Variants in SAYSD1 observed in about 807,000 individuals in gnomAD.
SAYSD1 encodes the protein SAYSVFN motif domain containing 1.
Under a neutral mutation model 14.5 loss-of-function variants are expected in SAYSD1, and 15 were observed. The observed-to-expected ratio is 1.03, with a 90% confidence interval of 0.69 to 1.59. SAYSD1 has a LOEUF of 1.59. Ranked by LOEUF, SAYSD1 falls within the 40% of genes most tolerant of loss-of-function variation. SAYSD1 has a pLI of 0.00. For synonymous variants in SAYSD1, 105 were observed against 102.6 expected (o/e 1.02, Z -0.14); for missense variants, 247 against 227.3 (o/e 1.09, Z -0.56).
chr6:39,109,745 A>C, intron 1 of SAYSD1: 1 of 319,796 alleles, frequency 3.1e-6, no homozygotes, highest in Non-Finnish European at 4.5e-6. Context: ...GTTTCTCCAC[A>C]TGGCTGTGGA....
chr6:39,113,954 T>A (rs79071353), intron 1 of SAYSD1, among the ~76,000 whole-genome samples: 1 of 152,206 alleles, frequency 6.6e-6, no homozygotes. Flanking sequence ...CAGTAATTTT[T>A]AAAAATTCCC....
intron 1 of SAYSD1, among the ~76,000 whole-genome samples, chr6:39,108,714 G>A (rs920614389): frequency 1.3e-5 from 2 of 151,894 alleles, no homozygotes; most frequent in African/African-American, 2.4e-5. Flanking sequence ...TACTACAAAC[G>A]GCAAAAATGT....
chr6:39,114,817 C>G (rs1226933543), intron 1 of SAYSD1, 66 bp downstream of exon 1: 2 of 1,536,212 alleles, frequency 1.3e-6, no homozygotes, highest in African/African-American at 2.7e-5. Context: ...CCCCCGGCAG[C>G]TAGGGCCGCG....
At chr6:39,108,096 C>T (rs1769537760) in intron 1 of SAYSD1, among the ~76,000 whole-genome samples, 1 of 152,066 alleles carries the variant, frequency 6.6e-6, no homozygotes, top group South Asian at 2.1e-4. Context: ...AAAATACATT[C>T]TGAATATACA....
At chr6:39,113,938 T>C (rs940397603) in intron 1 of SAYSD1, among the ~76,000 whole-genome samples, 4 of 152,224 alleles carry the variant, frequency 2.6e-5, no homozygotes, top group East Asian at 1.9e-4. Context: ...AATTGAGTAA[T>C]AGGTTCAGTA....
At chr6:39,109,666 G>A in intron 1 of SAYSD1, 24 of 1,130,970 alleles carry the variant, frequency 2.1e-5, no homozygotes, top group Non-Finnish European at 2.5e-5. Flanking sequence ...CCATGCCTGA[G>A]ATTAAAAGGT....
At chr6:39,105,945 C>T (rs567880195) in intron 1 of SAYSD1, among the ~76,000 whole-genome samples, 169 bp from the exon 2 acceptor site, 3 of 152,330 alleles carry the variant, frequency 2.0e-5, no homozygotes, top group African/African-American at 7.2e-5. Context: ...CCTATGTGCT[C>T]TACTCCAACT....
At chr6:39,106,763 C>T (rs1006234873) in intron 1 of SAYSD1, among the ~76,000 whole-genome samples, 1 of 152,204 alleles carries the variant, frequency 6.6e-6, no homozygotes, top group Non-Finnish European at 1.5e-5. Context: ...TCACTGTCTA[C>T]AGGATAAAAT....
At chr6:39,111,055 T>C (rs1769616174) in intron 1 of SAYSD1, 1 of 152,222 alleles carries the variant, frequency 6.6e-6, no homozygotes, top group East Asian at 1.9e-4. Context: ...AACTGTGTGT[T>C]GACTCATGGC....
chr6:39,104,722 C>T lies in SAYSD1; in HGVS notation c.*710G>A, dbSNP rs1769459513. 1.3e-5 allele frequency: 2 copies of T among 152,244 alleles called. No homozygotes were observed. Among genetic ancestry groups the T allele is most frequent in the Admixed American group, 6.5e-5 (1 of 15,280 alleles). 9.4% of individuals were successfully genotyped at this position (152,244 alleles called of 1,614,324 possible). ...CACTTCCAGCCCTCCCCTTTGTACA[C>T]ACTCAACACTTCTTGCTGAACTGGC... is the stretch of plus-strand genomic sequence containing the variant. On this transcript the variant is annotated 3_prime_UTR_variant, in exon 2 of 2. Transcript: ENST00000229903.
Position 39,104,477 on chromosome 6 carries a change from T to G in SAYSD1, c.*955A>C, listed in dbSNP as rs1411101549. 6.6e-6 allele frequency: 1 copy of G among 152,050 alleles called. No individual in the cohort carries two copies. Among genetic ancestry groups the G allele is most frequent in the African/African-American group, 2.4e-5 (1 of 41,308 alleles). The allele number at this position is 152,050 out of a possible 1,614,324, so 9.4% of individuals were successfully genotyped here. On this transcript the variant is annotated 3_prime_UTR_variant, in exon 2 of 2. Coordinates refer to ENST00000229903, the MANE Select transcript of SAYSD1 (RefSeq NM_018322.3). ...AAAAAGCTGCTTACTCTAAAGCCCTTAGAACCGTATTGTGAACTGCGCATG... is the reference window on the plus strand; with the variant it reads ...AAAAAGCTGCTTACTCTAAAGCCCTGAGAACCGTATTGTGAACTGCGCATG...
intron 1 of SAYSD1, among the ~76,000 whole-genome samples, chr6:39,114,137 A>G (rs964085941): frequency 2.0e-5 from 3 of 152,252 alleles, no homozygotes; most frequent in African/African-American, 4.8e-5. Flanking sequence ...TCATCCCTTG[A>G]TATGTTTTGT....
chr6:39,110,758 C>G (rs1186343118), intron 1 of SAYSD1: 4 of 152,152 alleles, frequency 2.6e-5, no homozygotes, highest in Non-Finnish European at 5.9e-5. Flanking sequence ...AGCTCTCATG[C>G]CTGTTGTACA....
intron 1 of SAYSD1, chr6:39,113,490 T>A (rs1769669917): frequency 6.6e-6 from 1 of 152,542 alleles, no homozygotes; most frequent in Non-Finnish European, 1.5e-5. Flanking sequence ...GATAAGTCAA[T>A]GAAAATGAGC....
At chr6:39,108,385 G>A (rs1687752516) in intron 1 of SAYSD1, among the ~76,000 whole-genome samples, 1 of 146,988 alleles carries the variant, frequency 6.8e-6, no homozygotes, top group Admixed American at 6.8e-5. Flanking sequence ...TATGGGGGGT[G>A]GCAGGAGAAA....
In SAYSD1 at chr6:39,114,997, T is replaced by G; in HGVS notation, c.93A>C (p.Pro31=). ...PPAASQGAQT[P]GEKAEAAATL... Reference sequence around the variant, plus strand: ...TCGCTGCTGCTTCCGCCTTCTCTCCTGGGGTTTGTGCGCCCTGACTGGCAG... The same window carrying G: ...TCGCTGCTGCTTCCGCCTTCTCTCCGGGGGTTTGTGCGCCCTGACTGGCAG... The change falls in exon 1 of 2, where the codon CCA becomes CCC. Residue 31 remains proline (P), a synonymous_variant. Coordinates refer to ENST00000229903, the MANE Select transcript of SAYSD1 (RefSeq NM_018322.3). The G allele has an allele frequency of 1.9e-6, 3 of 1,613,800 alleles. No homozygotes were observed. Among genetic ancestry groups the G allele is most frequent in the Non-Finnish European group, 1.7e-6 (2 of 1,179,918 alleles).
At position 39,105,128 on chromosome 6, in the gene SAYSD1, G is replaced by T; in HGVS notation, c.*304C>A. 1 of 339,156 alleles carries T rather than the reference G, an allele frequency of 2.9e-6. No homozygotes were observed. The highest frequency in any genetic ancestry group is 5.4e-6 in the Non-Finnish European group (1 of 184,490). 21.0% of individuals were successfully genotyped at this position (339,156 alleles called of 1,614,324 possible). A position where few individuals can be genotyped will look rare whatever the true frequency, so the allele number is the denominator to read the frequency against. ...GTTTTAAGCTGAGAATCTCCCCAGT[G>T]CCTTTCTAGTGCTCTAAAATCATCT... On this transcript the variant is annotated 3_prime_UTR_variant, in exon 2 of 2. Coordinates refer to ENST00000229903, the MANE Select transcript of SAYSD1 (RefSeq NM_018322.3).
In SAYSD1 at chr6:39,115,172, G is replaced by C. The variant is rs1769726048; in HGVS notation, c.-83C>G. On this transcript the variant is annotated 5_prime_UTR_variant, in exon 1 of 2. Transcript: ENST00000229903. ...CAGTTGCCTCCGCTCGGCCCGCGCC[G>C]GCCGCCGTGCGCCTGCGTGGCAGAA... 1.5e-6 allele frequency: 2 copies of C among 1,329,886 alleles called. No homozygotes were observed. Among genetic ancestry groups the C allele is most frequent in the Admixed American group, 2.8e-5 (1 of 35,344 alleles). 82.4% of individuals were successfully genotyped at this position (1,329,886 alleles called of 1,614,324 possible). A position where few individuals can be genotyped will look rare whatever the true frequency, so the allele number is the denominator to read the frequency against.
rs749549169 is a variant in SAYSD1 at position 39,109,288 on chromosome 6, T to C, written c.208-3512A>G. 4 of 1,546,950 alleles carry C rather than the reference T, an allele frequency of 2.6e-6. No homozygotes were observed. In the East Asian group the frequency reaches 7.3e-5, roughly 28 times the overall value. On this transcript the variant is annotated intron_variant, in intron 1 of 1. Coordinates refer to ENST00000229903, the MANE Select transcript of SAYSD1 (RefSeq NM_018322.3). ...TATGGCTGGAGAGGGAAGCAGGAGGTTTCTGTAGGAATTTTTAAAAGTTAC... is the reference window on the plus strand; with the variant it reads ...TATGGCTGGAGAGGGAAGCAGGAGGCTTCTGTAGGAATTTTTAAAAGTTAC...
Sources: gnomAD v4.1 joint callset for allele counts (sites outside exome capture counted in the v4.1 genomes callset) on GRCh38, gnomAD v4.1.1 for gene constraint, MANE v1.5 for transcripts, NCBI Gene and HGNC (gene_info 2026-07-23, HGNC 2026-07-21) for gene names.